The following PLEKHG4B variants were observed in gnomAD, a reference collection of about 807,000 sequenced individuals.
PLEKHG4B encodes the protein pleckstrin homology and RhoGEF domain containing G4B, also known as pleckstrin homology domain-containing family G member 4B.
A neutral mutation model predicts 121.3 loss-of-function variants in PLEKHG4B; 111 were observed. The observed-to-expected ratio is 0.92, with a 90% CI of 0.78 to 1.07. The LOEUF (loss-of-function observed/expected upper bound fraction) is 1.07. Ranked by LOEUF, PLEKHG4B falls within the 50% of genes least tolerant of loss-of-function variation. The pLI, the probability that PLEKHG4B is intolerant of heterozygous loss-of-function variation, is 0.00. For synonymous variants in PLEKHG4B, 738 were observed against 725.0 expected (o/e 1.02, Z -0.29); for missense variants, 1,831 against 1,757.8 (o/e 1.04, Z -0.74).
chr5:124,747 C>T (rs1054283820), intron 2 of PLEKHG4B, among the ~76,000 whole-genome samples: 10 of 152,004 alleles, frequency 6.6e-5, no homozygotes, highest in Admixed American at 1.3e-4. Context: ...TATATTTTTC[C>T]GTCTTTTCAG....
At chr5:116,660 C>T (rs1398921844) in intron 2 of PLEKHG4B, among the ~76,000 whole-genome samples, 1 of 152,214 alleles carries the variant, frequency 6.6e-6, no homozygotes, top group Admixed American at 6.5e-5. Context: ...CTGGAAGGCA[C>T]CTGGCTAGGT....
At chr5:93,046 A>G (rs1733519424) in intron 1 of PLEKHG4B, among the ~76,000 whole-genome samples, 1 of 152,162 alleles carries the variant, frequency 6.6e-6, no homozygotes, top group Non-Finnish European at 1.5e-5. Context: ...GGTTGAGGTG[A>G]GGTAATTACA....
chr5:128,348 A>G (rs10043915), intron 2 of PLEKHG4B, among the ~76,000 whole-genome samples: 28,265 of 152,158 alleles, frequency 0.19, 3,603 homozygotes, highest in African/African-American at 0.36. Flanking sequence ...GGAAAGTCAC[A>G]ATCTGTATGG....
intron 2 of PLEKHG4B, among the ~76,000 whole-genome samples, chr5:121,745 T>C (rs1734475817): frequency 6.6e-6 from 1 of 151,802 alleles, no homozygotes; most frequent in African/African-American, 2.4e-5. Flanking sequence ...CCAGCAAAAA[T>C]AAATGTCTAC....
chr5:185,328 A>G lies in PLEKHG4B; in HGVS notation c.*3005A>G, dbSNP rs998462630. 1.6e-4 allele frequency: 25 copies of G among 152,232 alleles called. No individual in the cohort carries two copies. The highest frequency in any genetic ancestry group is 6.0e-4 in the African/African-American group (25 of 41,442). 9.4% of individuals were successfully genotyped at this position (152,232 alleles called of 1,614,324 possible). ...CTTCACGGGTCTGTTCTATGTCCAGAGTTGTCAAACTGCATGCTTTAAAGA... is the reference window on the plus strand; with the variant it reads ...CTTCACGGGTCTGTTCTATGTCCAGGGTTGTCAAACTGCATGCTTTAAAGA... On this transcript the variant is annotated 3_prime_UTR_variant, in exon 20 of 20. Coordinates refer to ENST00000637938, the MANE Select transcript of PLEKHG4B (RefSeq NM_052909.5).
chr5:108,120 G>A (rs1195606379), intron 1 of PLEKHG4B, among the ~76,000 whole-genome samples: 1 of 152,146 alleles, frequency 6.6e-6, no homozygotes, highest in Admixed American at 6.5e-5. Flanking sequence ...TATGGGAATC[G>A]GAAAACCATT....
intron 18 of PLEKHG4B, chr5:179,894 G>A (rs1035026336): frequency 6.6e-6 from 1 of 152,042 alleles, no homozygotes; most frequent in African/African-American, 2.4e-5. Flanking sequence ...TTCATTATTG[G>A]TTTATTTTTG....
At chr5:107,110 A>G (rs1295579683) in intron 1 of PLEKHG4B, among the ~76,000 whole-genome samples, 1 of 152,252 alleles carries the variant, frequency 6.6e-6, no homozygotes, top group Admixed American at 6.5e-5. Flanking sequence ...AGGGTTAGGC[A>G]TAATGGCTCA....
chr5:123,204 GT>G (rs965025522), intron 2 of PLEKHG4B, among the ~76,000 whole-genome samples: 11 of 148,914 alleles, frequency 7.4e-5, no homozygotes, highest in African/African-American at 1.7e-4. Context: ...AGAGATCAGA[GT>G]TTTTTTTTTC....
chr5:119,726 G>A (rs2126366418), intron 2 of PLEKHG4B, among the ~76,000 whole-genome samples: 1 of 152,336 alleles, frequency 6.6e-6, no homozygotes. Context: ...ACTGAGGCTG[G>A]AGGAGGATGG....
chr5:112,574 T>C (rs1413725906), intron 1 of PLEKHG4B, among the ~76,000 whole-genome samples: 3 of 152,200 alleles, frequency 2.0e-5, no homozygotes, highest in Non-Finnish European at 4.4e-5. Flanking sequence ...TAAAAGCATG[T>C]TGCACCAAAA....
intron 2 of PLEKHG4B, among the ~76,000 whole-genome samples, chr5:130,856 AT>A (rs1457239254): frequency 6.6e-6 from 1 of 152,246 alleles, no homozygotes; most frequent in Non-Finnish European, 1.5e-5. Flanking sequence ...ATCTGGTCTA[AT>A]TTGGTAGCAA....
intron 12 of PLEKHG4B, 24 bp downstream of exon 12, chr5:161,968 T>C: frequency 6.3e-7 from 1 of 1,585,302 alleles, no homozygotes; most frequent in Non-Finnish European, 8.6e-7. Context: ...TGGGCGTGCG[T>C]CCCAGGGATC....
At chr5:151,117 G>A (rs566758166) in intron 6 of PLEKHG4B, among the ~76,000 whole-genome samples, 2 of 152,306 alleles carry the variant, frequency 1.3e-5, no homozygotes, top group East Asian at 3.9e-4. Context: ...AAGGCAAGTC[G>A]GTGGAGACGA....
At position 139,046 on chromosome 5, in the gene PLEKHG4B, A is replaced by G. The variant is rs1365334770; in HGVS notation, c.244-437A>G. 6.6e-6 allele frequency among the ~76,000 whole-genome samples: 1 copy of G among 152,194 alleles called. No homozygotes were observed. Among genetic ancestry groups the G allele is most frequent in the Admixed American group, 6.5e-5 (1 of 15,272 alleles). On this transcript the variant is annotated intron_variant, in intron 2 of 19. Coordinates refer to ENST00000637938, the MANE Select transcript of PLEKHG4B (RefSeq NM_052909.5). The surrounding 1 kb of genome is among the most constrained non-coding windows in gnomAD (Gnocchi z 5.0). ...CCTGCAGCAGCCGGGAGCCACAGGG[A>G]GCACCGGGAGTGCAGAGGAGGGAGC...
Position 173,995 on chromosome 5 carries a change from A to G in PLEKHG4B, c.4299A>G (p.Lys1433=). 3 of 1,611,398 alleles carry G rather than the reference A, an allele frequency of 1.9e-6. No homozygotes were observed. In the South Asian group the frequency reaches 3.3e-5, roughly 18 times the overall value. The change falls in exon 18 of 20, where the codon AAA becomes AAG. Residue 1433 remains lysine, a synonymous_variant. Transcript: ENST00000637938. ...AGATTTGGTTTCGCAGGCGGCGGAA[A>G]TCTCAGGACACCTACATTCTCCAAG... ...RFEIWFRRRR[K]SQDTYILQAS...
chr5:179,669 G>C (rs1459092275), intron 18 of PLEKHG4B: 1 of 152,694 alleles, frequency 6.5e-6, no homozygotes, highest in African/African-American at 2.4e-5. Flanking sequence ...GTCCTTGCCT[G>C]TGTCCGAGCG....
At chr5:109,821 G>A (rs551240444) in intron 1 of PLEKHG4B, among the ~76,000 whole-genome samples, 30 of 152,338 alleles carry the variant, frequency 2.0e-4, no homozygotes, top group East Asian at 5.8e-4. Context: ...AAAGCTCAGC[G>A]AAGTGCCAAG....
At chr5:135,077 T>G (rs1734913470) in intron 2 of PLEKHG4B, among the ~76,000 whole-genome samples, 1 of 148,170 alleles carries the variant, frequency 6.7e-6, no homozygotes, top group South Asian at 2.1e-4. Flanking sequence ...TAGTCCCAGC[T>G]ACTGGGAGGC....
Sources: gnomAD v4.1 joint callset for allele counts (sites outside exome capture counted in the v4.1 genomes callset) on GRCh38, gnomAD v4.1.1 for gene constraint, Gnocchi (gnomAD v3.1) non-coding constraint, MANE v1.5 for transcripts, NCBI Gene and HGNC (gene_info 2026-07-23, HGNC 2026-07-21) for gene names.